Variants in PRKG1 observed in about 807,000 individuals in gnomAD.
PRKG1 encodes protein kinase cGMP-dependent 1.
PRKG1 carries 35 observed loss-of-function variants against 88.1 expected under a neutral mutation model. That is an observed-to-expected ratio of 0.40 (90% CI 0.30 to 0.53). The LOEUF (loss-of-function observed/expected upper bound fraction) is 0.53. Ranked by LOEUF, PRKG1 falls within the 20% of genes least tolerant of loss-of-function variation. The pLI, the probability that PRKG1 is intolerant of heterozygous loss-of-function variation, is 0.59. For synonymous variants in PRKG1, 303 were observed against 292.5 expected (o/e 1.04, Z -0.37); for missense variants, 540 against 839.8 (o/e 0.64, Z 4.41).
At chr10:51,260,642 G>C (rs1441200666) in intron 2 of PRKG1, among the ~76,000 whole-genome samples, 5 of 152,180 alleles carry the variant, frequency 3.3e-5, no homozygotes, top group African/African-American at 1.2e-4. Flanking sequence ...TCTCTGCAGG[G>C]AGTGCTACTT....
chr10:52,176,467 C>G (rs925490954), intron 9 of PRKG1, among the ~76,000 whole-genome samples: 1 of 151,934 alleles, frequency 6.6e-6, no homozygotes. Context: ...CAGGTCCACC[C>G]TACCACCCAC....
chr10:51,507,298 T>TAA (rs148879187), intron 3 of PRKG1, among the ~76,000 whole-genome samples: 8 of 150,410 alleles, frequency 5.3e-5, no homozygotes, highest in South Asian at 4.2e-4. Flanking sequence ...ACTTAAAGTA[T>TAA]AAAAAAAAAT....
intron 9 of PRKG1, among the ~76,000 whole-genome samples, chr10:52,166,791 A>ATATGTATATATATATG (rs1838456336): frequency 2.7e-5 from 1 of 36,874 alleles, no homozygotes. Context: ...AAAAGCCTAT[A>ATATGTATATATATATG]TATATACATA....
chr10:51,406,982 C>T (rs184910901), intron 2 of PRKG1, among the ~76,000 whole-genome samples: 44 of 152,314 alleles, frequency 2.9e-4, no homozygotes, highest in Non-Finnish European at 4.7e-4. Flanking sequence ...GGGCAGGAAG[C>T]ATCCAGCGTG....
chr10:51,993,829 A>G (rs192668978), intron 5 of PRKG1, among the ~76,000 whole-genome samples: 34 of 152,240 alleles, frequency 2.2e-4, no homozygotes, highest in South Asian at 2.1e-4. Context: ...CTTCCTCATT[A>G]TCTCAAAACC....
chr10:52,161,889 C>G lies in PRKG1; in HGVS notation c.1002C>G (p.Asp334Glu). Reference sequence around the variant, plus strand: ...TCACTGTGCTTTTTTCGTCTGACAGCTCTTTTAAACATTTGATTGGAGGGC... The same window carrying G: ...TCACTGTGCTTTTTTCGTCTGACAGGTCTTTTAAACATTTGATTGGAGGGC... The part of the protein sequence containing the change: ...EAVTCLVIDR[D>E]SFKHLIGGLD... The change falls in exon 9 of 18, where the codon GAC becomes GAG. Residue 334 changes from aspartate (D) to glutamate (E), a missense_variant and splice_region_variant. By Grantham distance (45) the Asp-to-Glu change is conservative (BLOSUM62 2). This residue lies in a region of PRKG1 where 400 missense variants were observed against 562.7 expected (regional missense o/e 0.71). Transcript: ENST00000373980. 1 of 1,612,314 alleles carries G rather than the reference C, an allele frequency of 6.2e-7. No individual in the cohort carries two copies. The highest frequency in any genetic ancestry group is 1.1e-5 in the South Asian group (1 of 90,964).
chr10:51,311,845 G>C (rs72803186), intron 2 of PRKG1, among the ~76,000 whole-genome samples: 1,708 of 152,234 alleles, frequency 0.011, 20 homozygotes, highest in African/African-American at 0.037. Flanking sequence ...CCTGGGGGAA[G>C]CACCACACCT....
intron 2 of PRKG1, among the ~76,000 whole-genome samples, chr10:51,254,949 A>G (rs954502483): frequency 6.6e-6 from 1 of 152,104 alleles, no homozygotes; most frequent in African/African-American, 2.4e-5. Context: ...TGCCCCAAAT[A>G]ATAACGTCGA....
Position 51,158,836 on chromosome 10 carries a change from A to T in PRKG1, c.478+5506A>T, listed in dbSNP as rs1846284273. 3.9e-5 allele frequency among the ~76,000 whole-genome samples: 6 copies of T among 152,176 alleles called. No individual in the cohort carries two copies. In the South Asian group the frequency reaches 1.2e-3, roughly 32 times the overall value. On this transcript the variant is annotated intron_variant, in intron 2 of 17. Coordinates refer to ENST00000373980, the MANE Select transcript of PRKG1 (RefSeq NM_006258.4). ...TTTTATTTTTATTTTTTAAGAAGGAACAATTCTTTCAAGTTATTACACAAA... is the reference window on the plus strand; with the variant it reads ...TTTTATTTTTATTTTTTAAGAAGGATCAATTCTTTCAAGTTATTACACAAA...
intron 3 of PRKG1, among the ~76,000 whole-genome samples, chr10:51,640,315 G>C (rs1464407698): frequency 6.6e-6 from 1 of 152,138 alleles, no homozygotes; most frequent in African/African-American, 2.4e-5. Flanking sequence ...ACTACATTAG[G>C]TTTTATGATG....
At chr10:51,473,951 G>A (rs746436551) in intron 3 of PRKG1, among the ~76,000 whole-genome samples, 1 of 151,866 alleles carries the variant, frequency 6.6e-6, no homozygotes, top group Non-Finnish European at 1.5e-5. Context: ...GGAATAAAAA[G>A]TAAACTAGTA....
chr10:51,887,172 A>G (rs566955298), intron 4 of PRKG1, among the ~76,000 whole-genome samples: 2 of 152,206 alleles, frequency 1.3e-5, no homozygotes, highest in Admixed American at 1.3e-4. Flanking sequence ...TTTCGTAGAG[A>G]CAGGGTTTCG....
chr10:51,856,464 T>C (rs146087792), intron 4 of PRKG1, among the ~76,000 whole-genome samples: 156 of 152,320 alleles, frequency 1.0e-3, no homozygotes, highest in African/African-American at 3.5e-3. Context: ...TAGCAGTTCA[T>C]TGGGCTGCAG....
At chr10:51,621,141 C>T (rs1383288087) in intron 3 of PRKG1, among the ~76,000 whole-genome samples, 1 of 151,030 alleles carries the variant, frequency 6.6e-6, no homozygotes, top group Non-Finnish European at 1.5e-5. Flanking sequence ...CATGCGTGAT[C>T]CACGGCATTA....
intron 3 of PRKG1, among the ~76,000 whole-genome samples, chr10:51,781,514 A>G (rs984018537): frequency 6.6e-6 from 1 of 152,166 alleles, no homozygotes; most frequent in Admixed American, 6.6e-5. Flanking sequence ...GGAAGCAGAC[A>G]AGCATTGCAA....
At chr10:51,515,285 C>T (rs985187830) in intron 3 of PRKG1, among the ~76,000 whole-genome samples, 3 of 152,130 alleles carry the variant, frequency 2.0e-5, no homozygotes, top group African/African-American at 4.8e-5. Flanking sequence ...AGTACTGACA[C>T]CCTTACTTAT....
intron 2 of PRKG1, among the ~76,000 whole-genome samples, chr10:51,445,582 C>T (rs531996707): frequency 2.2e-4 from 34 of 151,958 alleles, no homozygotes; most frequent in African/African-American, 7.5e-4. Flanking sequence ...ACAAGGGACA[C>T]CTCATCAAGT....
At chr10:51,178,406 A>T (rs1009051778) in intron 2 of PRKG1, among the ~76,000 whole-genome samples, 1 of 152,174 alleles carries the variant, frequency 6.6e-6, no homozygotes, top group African/African-American at 2.4e-5. Context: ...TGGGAGACCA[A>T]CGCAGGCAGA....
chr10:51,411,540 G>A (rs1322825284), intron 2 of PRKG1, among the ~76,000 whole-genome samples: 2 of 152,276 alleles, frequency 1.3e-5, no homozygotes, highest in African/African-American at 4.8e-5. Context: ...AGGGGGACGA[G>A]GTGGAGAGTA....
Sources: allele counts gnomAD v4.1 joint callset (sites outside exome capture counted in the v4.1 genomes callset), GRCh38; gene constraint gnomAD v4.1.1; regional missense constraint gnomAD v4.1.1; transcripts MANE v1.5; gene names NCBI Gene and HGNC (gene_info 2026-07-23, HGNC 2026-07-21).